The following MBP variants were observed in gnomAD, a reference collection of about 807,000 sequenced individuals.
MBP encodes the protein Golli-MBP.
Under a neutral mutation model 35.8 loss-of-function variants are expected in MBP, and 16 were observed. The ratio of observed to expected loss-of-function variants is 0.45; its 90% CI spans 0.30 to 0.68. The LOEUF (loss-of-function observed/expected upper bound fraction) is 0.68. MBP is among the 30% of genes least tolerant of loss of function. The pLI is 0.08. For synonymous variants in MBP, 143 were observed against 159.6 expected (o/e 0.90, Z 0.78); for missense variants, 380 against 404.7 (o/e 0.94, Z 0.52).
chr18:77,105,412 G>A (rs731091), intron 1 of MBP, 126 bp from the exon 2 acceptor site: 4 of 566,996 alleles, frequency 7.1e-6, no homozygotes, highest in Non-Finnish European at 1.0e-5. Flanking sequence ...CGAAACCAAG[G>A]CCCTGAAAAC....
intron 1 of MBP, among the ~76,000 whole-genome samples, chr18:77,128,184 A>G (rs772120787): frequency 6.6e-6 from 1 of 152,228 alleles, no homozygotes; most frequent in Non-Finnish European, 1.5e-5. Flanking sequence ...CATCCAGATG[A>G]CGGAACACCA....
chr18:77,057,930 C>G (rs1973803986), intron 3 of MBP, among the ~76,000 whole-genome samples: 1 of 22,002 alleles, frequency 4.5e-5, no homozygotes, highest in Non-Finnish European at 7.5e-5. Context: ...GGGTTCACGC[C>G]ATTCTCCTGC....
intron 3 of MBP, among the ~76,000 whole-genome samples, chr18:77,037,512 C>T (rs1972827595): frequency 6.6e-6 from 1 of 152,208 alleles, no homozygotes; most frequent in South Asian, 2.1e-4. Flanking sequence ...CAGCAGCTCT[C>T]CTCTTGAAGG....
chr18:76,985,678 C>T, intron 7 of MBP: 1 of 1,052,630 alleles, frequency 9.5e-7, no homozygotes. Flanking sequence ...TCCCCCACCT[C>T]CCAGTCCCCT....
At chr18:77,009,287 G>A (rs1971189344) in intron 4 of MBP, among the ~76,000 whole-genome samples, 1 of 152,224 alleles carries the variant, frequency 6.6e-6, no homozygotes, top group Non-Finnish European at 1.5e-5. Flanking sequence ...ACAAGGAGAA[G>A]AGGACAGGCC....
intron 3 of MBP, among the ~76,000 whole-genome samples, chr18:77,022,888 G>A (rs980200691): frequency 1.3e-5 from 2 of 152,158 alleles, no homozygotes; most frequent in East Asian, 1.9e-4. Flanking sequence ...CAGTTTAGTC[G>A]TTAATATTGC....
chr18:77,089,435 A>G (rs1050182653), intron 2 of MBP, among the ~76,000 whole-genome samples: 1 of 152,210 alleles, frequency 6.6e-6, no homozygotes, highest in Non-Finnish European at 1.5e-5. Flanking sequence ...AGAGGCAGGG[A>G]GAAGGCAGGG....
chr18:77,014,731 A>G (rs990738220), intron 4 of MBP: 64 of 985,288 alleles, frequency 6.5e-5, no homozygotes, highest in Non-Finnish European at 7.6e-5. Context: ...GAGTGGAGCA[A>G]TCACATCCCC....
chr18:76,990,044 G>T lies in MBP; in HGVS notation c.593C>A (p.Ala198Glu). ...CAGGGAGCCGTAGTGAGCAGTTCTTGCCGGGTGGTGTGAGTCCTGAAACAC... is the reference window on the plus strand; with the variant it reads ...CAGGGAGCCGTAGTGAGCAGTTCTTTCCGGGTGGTGTGAGTCCTGAAACAC... ...RGSGKDSHHP[A>E]RTAHYGSLPQ... The change falls in exon 5 of 9, where the codon GCA becomes GAA. Residue 198 changes from alanine (A) to glutamate (E), a missense_variant. Coordinates refer to ENST00000355994, the MANE Select transcript of MBP (RefSeq NM_001025101.2). 6.2e-7 allele frequency: 1 copy of T among 1,612,542 alleles called. No individual in the cohort carries two copies. The highest frequency in any genetic ancestry group is 8.5e-7 in the Non-Finnish European group (1 of 1,179,480).
intron 2 of MBP, among the ~76,000 whole-genome samples, chr18:77,100,455 T>C (rs1030153200): frequency 2.0e-5 from 3 of 152,164 alleles, no homozygotes; most frequent in Middle Eastern, 3.4e-3. Context: ...GCAAAGTCCC[T>C]GGCTCACAGG....
intron 2 of MBP, among the ~76,000 whole-genome samples, chr18:77,070,313 C>T (rs1028153059): frequency 2.6e-5 from 4 of 152,168 alleles, no homozygotes; most frequent in African/African-American, 9.7e-5. Context: ...GCAAGGGTGC[C>T]TCCTTCATAC....
chr18:76,989,899 G>A lies in MBP; in HGVS notation c.681+57C>T. The A allele has an allele frequency of 1.4e-6, 2 of 1,447,276 alleles. No individual in the cohort carries two copies. Among genetic ancestry groups the A allele is most frequent in the Non-Finnish European group, 1.9e-6 (2 of 1,030,458 alleles). The allele number at this position is 1,447,276 out of a possible 1,614,324, so 89.7% of individuals were successfully genotyped here. A position where few individuals can be genotyped will look rare whatever the true frequency, so the allele number is the denominator to read the frequency against. The stretch of plus-strand genomic sequence containing the variant: ...ACGTCCTGTGTGGATGACAGCAGTG[G>A]CCAGCACCCCTCCTCCCCCTCACAG... On this transcript the variant is annotated intron_variant, in intron 5 of 8. Coordinates refer to ENST00000355994, the MANE Select transcript of MBP (RefSeq NM_001025101.2). The surrounding 1 kb of genome is among the most constrained non-coding windows in gnomAD (Gnocchi z 4.0).
Position 77,102,818 on chromosome 18 carries a change from C to T in MBP, c.51+2393G>A, listed in dbSNP as rs899118173. ...ACAGCCTAGAGGCCTCTGAGCAGAG[C>T]TGTTTTTTCCACTTTCACTTTAGGT... On this transcript the variant is annotated intron_variant, in intron 2 of 8. Coordinates refer to ENST00000355994, the MANE Select transcript of MBP (RefSeq NM_001025101.2). This position sits in a 1 kb window ranked among gnomAD's most constrained non-coding sequence, Gnocchi z 4.4. Among the ~76,000 whole-genome samples, 1 of 152,198 alleles carries T rather than the reference C, an allele frequency of 6.6e-6. No homozygotes were observed. Among genetic ancestry groups the T allele is most frequent in the Non-Finnish European group, 1.5e-5 (1 of 68,030 alleles).
At chr18:77,086,159 C>T (rs572127269) in intron 2 of MBP, among the ~76,000 whole-genome samples, 6 of 152,296 alleles carry the variant, frequency 3.9e-5, no homozygotes, top group Non-Finnish European at 7.3e-5. Flanking sequence ...TTCTGCTATC[C>T]CTGTGATCAG....
chr18:77,083,375 GACCTTTTCTTTC>G (rs767552350), intron 2 of MBP, among the ~76,000 whole-genome samples: 28 of 152,286 alleles, frequency 1.8e-4, no homozygotes, highest in Admixed American at 2.6e-4. Context: ...CCTTTTCTTT[GACCTTTTCTTTC>G]GACAAAGTTT....
In MBP at chr18:77,131,471, C is replaced by G. The variant is rs946850369; in HGVS notation, c.-26+1109G>C. The G allele has an allele frequency of 1.3e-5, 2 of 152,162 alleles. No homozygotes were observed. Among genetic ancestry groups the G allele is most frequent in the African/African-American group, 4.8e-5 (2 of 41,422 alleles). 9.4% of individuals were successfully genotyped at this position (152,162 alleles called of 1,614,324 possible). ...ACGAAGTCCACGCCCCCTCCCCACC[C>G]CAGCACCCAGCGAGCCCACGCGCCC... On this transcript the variant is annotated intron_variant, in intron 1 of 8. Coordinates refer to ENST00000355994, the MANE Select transcript of MBP (RefSeq NM_001025101.2). This position sits in a 1 kb window ranked among gnomAD's most constrained non-coding sequence, Gnocchi z 5.5.
At chr18:77,053,949 TG>T (rs1419976569) in intron 3 of MBP, among the ~76,000 whole-genome samples, 34 of 152,232 alleles carry the variant, frequency 2.2e-4, no homozygotes, top group African/African-American at 8.0e-4. Flanking sequence ...CAGAGGTGAC[TG>T]TACTGCCCCA....
chr18:76,980,660 T>C (rs1037761698), intron 8 of MBP, 189 bp from the exon 9 acceptor site: 1 of 588,274 alleles, frequency 1.7e-6, no homozygotes. Flanking sequence ...AAATGCTAAT[T>C]GAATTTCCAG....
intron 1 of MBP, among the ~76,000 whole-genome samples, chr18:77,125,753 T>G (rs78131909): frequency 1.3e-5 from 2 of 152,128 alleles, no homozygotes. Flanking sequence ...CCTTTTTTTT[T>G]GTATCAAAAC....
Sources: gnomAD v4.1 joint callset for allele counts (sites outside exome capture counted in the v4.1 genomes callset) on GRCh38, gnomAD v4.1.1 for gene constraint, Gnocchi (gnomAD v3.1) non-coding constraint, MANE v1.5 for transcripts, NCBI Gene and HGNC (gene_info 2026-07-23, HGNC 2026-07-21) for gene names.